The following JHY variants were observed in gnomAD, a reference collection of about 807,000 sequenced individuals.
JHY encodes the protein jhy protein homolog.
In JHY, 69 loss-of-function variants were observed where a neutral mutation model predicts 78.0. The ratio of observed to expected loss-of-function variants is 0.88; its 90% CI spans 0.73 to 1.08. JHY has a LOEUF of 1.08. Ranked by LOEUF, JHY falls within the 50% of genes least tolerant of loss-of-function variation. JHY has a pLI of 0.00. For missense variants in JHY, 944 were observed against 927.8 expected (o/e 1.02, Z -0.23); for synonymous variants, 368 against 342.6 (o/e 1.07, Z -0.82).
intron 2 of JHY, among the ~76,000 whole-genome samples, chr11:122,888,980 C>T (rs1862553009): frequency 6.6e-6 from 1 of 152,104 alleles, no homozygotes; most frequent in South Asian, 2.1e-4. Context: ...CCTCGTGTGC[C>T]TCCTTGGGTA....
chr11:122,902,031 C>G (rs568183932), intron 2 of JHY, among the ~76,000 whole-genome samples: 25 of 152,156 alleles, frequency 1.6e-4, no homozygotes, highest in African/African-American at 5.8e-4. Context: ...GGCAGTAACA[C>G]ATACGGAGCT....
chr11:122,922,629 T>C (rs1863393222), intron 3 of JHY, among the ~76,000 whole-genome samples: 1 of 150,984 alleles, frequency 6.6e-6, no homozygotes, highest in African/African-American at 2.4e-5. Context: ...GCTAACACGG[T>C]GAAACCCCGT....
At chr11:122,906,427 C>G (rs529902083) in intron 3 of JHY, among the ~76,000 whole-genome samples, 1 of 152,234 alleles carries the variant, frequency 6.6e-6, no homozygotes, top group East Asian at 1.9e-4. Flanking sequence ...GACTCCTGGG[C>G]TCAAATGATC....
chr11:122,909,859 G>A (rs1292048045), intron 3 of JHY, among the ~76,000 whole-genome samples: 1 of 152,096 alleles, frequency 6.6e-6, no homozygotes, highest in African/African-American at 2.4e-5. Context: ...AAGTATATAG[G>A]TATACATATA....
At chr11:122,956,465 A>G in intron 6 of JHY, 31 bp from the exon 7 acceptor site, 1 of 1,608,242 alleles carries the variant, frequency 6.2e-7, no homozygotes, top group African/African-American at 1.3e-5. Context: ...CAAGTCCTTA[A>G]AAGAAACTGT....
chr11:122,928,247 G>A (rs909184077), intron 4 of JHY, among the ~76,000 whole-genome samples: 1 of 152,102 alleles, frequency 6.6e-6, no homozygotes, highest in Admixed American at 6.5e-5. Context: ...TAGAGGCCAG[G>A]AATTCGATGT....
intron 8 of JHY, among the ~76,000 whole-genome samples, chr11:122,957,804 C>T (rs1229401852): frequency 9.0e-6 from 1 of 110,692 alleles, no homozygotes; most frequent in Non-Finnish European, 2.1e-5. Context: ...TAGTGACACA[C>T]ACACAGTCAC....
chr11:122,948,213 G>A (rs1189133710), intron 6 of JHY, among the ~76,000 whole-genome samples: 1 of 152,064 alleles, frequency 6.6e-6, no homozygotes, highest in African/African-American at 2.4e-5. Context: ...GGAGGCTGAG[G>A]TGTGTGGATC....
At chr11:122,919,807 C>T (rs991556365) in intron 3 of JHY, among the ~76,000 whole-genome samples, 3 of 151,938 alleles carry the variant, frequency 2.0e-5, no homozygotes, top group Non-Finnish European at 4.4e-5. Context: ...GGCGAAACCC[C>T]GTCTATACTA....
chr11:122,900,751 C>T (rs1043540504), intron 2 of JHY, among the ~76,000 whole-genome samples: 1 of 152,110 alleles, frequency 6.6e-6, no homozygotes. Context: ...AGGCTATGAA[C>T]CTTTCAGTGA....
rs1864266915 is a variant in JHY at position 122,959,548 on chromosome 11, T to G, written c.*103T>G. The stretch of plus-strand genomic sequence containing the variant: ...CGTTGAGAGTAATGGCCTATTATTA[T>G]CATCTATCTGCCGTCCATGTTTGCT... On this transcript the variant is annotated 3_prime_UTR_variant, in exon 9 of 9. Transcript: ENST00000227349. 6 of 1,075,234 alleles carry G rather than the reference T, an allele frequency of 5.6e-6. No homozygotes were observed. Among genetic ancestry groups the G allele is most frequent in the Non-Finnish European group, 8.0e-6 (6 of 745,852 alleles). 66.6% of individuals were successfully genotyped at this position (1,075,234 alleles called of 1,614,324 possible).
chr11:122,953,898 A>G (rs1864143007), intron 6 of JHY, among the ~76,000 whole-genome samples: 1 of 152,210 alleles, frequency 6.6e-6, no homozygotes. Flanking sequence ...ATAAATGTTT[A>G]ACATTCTAAT....
At chr11:122,946,437 C>A in intron 5 of JHY, 61 bp from the exon 6 acceptor site, 1 of 1,484,168 alleles carries the variant, frequency 6.7e-7, no homozygotes, top group South Asian at 1.4e-5. Context: ...GACTTTTATG[C>A]TAGATGTCTT....
intron 1 of JHY, 47 bp from the exon 2 acceptor site, chr11:122,885,714 T>G: frequency 1.5e-6 from 1 of 649,826 alleles, no homozygotes; most frequent in East Asian, 2.7e-5. Context: ...GTTGACAGTA[T>G]TGAGATTTTA....
chr11:122,933,070 A>C (rs1863670260), intron 4 of JHY, among the ~76,000 whole-genome samples: 4 of 152,214 alleles, frequency 2.6e-5, no homozygotes, highest in Admixed American at 1.3e-4. Context: ...TAATCTCAAC[A>C]TTATCATTAT....
At position 122,942,212 on chromosome 11, in the gene JHY, C is replaced by T. The variant is rs556342335; in HGVS notation, c.1635-4286C>T. Among the ~76,000 whole-genome samples the T allele has an allele frequency of 2.0e-3, 309 of 152,240 alleles. 2 individuals carry two copies. The highest frequency in any genetic ancestry group is 7.2e-3 in the African/African-American group (299 of 41,534). On this transcript the variant is annotated intron_variant, in intron 5 of 8. Transcript: ENST00000227349. ...AAAGCAGAAATTTATTCTGTCCTAA[C>T]TCAGAAGAAACCACAATAGTTTATT...
intron 3 of JHY, among the ~76,000 whole-genome samples, chr11:122,910,167 G>A (rs1204858374): frequency 6.6e-6 from 1 of 152,048 alleles, no homozygotes; most frequent in Admixed American, 6.6e-5. Context: ...AGAAATTCAA[G>A]GTGCAGTATG....
intron 4 of JHY, among the ~76,000 whole-genome samples, chr11:122,928,050 C>CTTG: frequency 6.6e-6 from 1 of 152,258 alleles, no homozygotes; most frequent in Non-Finnish European, 1.5e-5. Context: ...ACCCACTACA[C>CTTG]TACAAGATCT....
In JHY at chr11:122,960,396, G is replaced by A. The variant is rs1278955812; in HGVS notation, c.*951G>A. Reference sequence around the variant, plus strand: ...CTCTCTGTAGAATGCAGTTTTCTTAGGTCCAGGGGTATTGCAGGCAACAAG... The same window carrying A: ...CTCTCTGTAGAATGCAGTTTTCTTAAGTCCAGGGGTATTGCAGGCAACAAG... On this transcript the variant is annotated 3_prime_UTR_variant, in exon 9 of 9. Coordinates refer to ENST00000227349, the MANE Select transcript of JHY (RefSeq NM_024806.4). The A allele has an allele frequency of 4.8e-6, 1 of 208,462 alleles. No homozygotes were observed. The highest frequency in any genetic ancestry group is 1.0e-5 in the Non-Finnish European group (1 of 95,992). The allele number at this position is 208,462 out of a possible 1,614,324, so 12.9% of individuals were successfully genotyped here.
Sources: gnomAD v4.1 joint callset for allele counts (sites outside exome capture counted in the v4.1 genomes callset) on GRCh38, gnomAD v4.1.1 for gene constraint, MANE v1.5 for transcripts, NCBI Gene and HGNC (gene_info 2026-07-23, HGNC 2026-07-21) for gene names.